The following DOT1L variants were observed in gnomAD, a reference collection of about 807,000 sequenced individuals.
DOT1L encodes histone-lysine N-methyltransferase, H3 lysine-79 specific.
DOT1L carries 33 observed loss-of-function variants against 153.3 expected under a neutral mutation model. The observed-to-expected ratio is 0.22, with a 90% CI of 0.16 to 0.29. The LOEUF (loss-of-function observed/expected upper bound fraction) is 0.29. Ranked by LOEUF, DOT1L falls within the 10% of genes least tolerant of loss-of-function variation. The pLI is 1.00. For synonymous variants in DOT1L, 1,135 were observed against 965.1 expected, an observed-to-expected ratio of 1.18 and a Z score of -3.26; for missense variants, 1,847 against 2,119.9, an observed-to-expected ratio of 0.87 and a Z score of 2.53.
chr19:2,218,640 G>C (rs549788116), intron 22 of DOT1L, among the ~76,000 whole-genome samples: 3 of 151,898 alleles, frequency 2.0e-5, no homozygotes, highest in African/African-American at 4.8e-5. Flanking sequence ...TGATCCGCCC[G>C]CCTGGGCCTC....
In DOT1L at chr19:2,204,993, C is replaced by T. The variant is rs1452401918; in HGVS notation, c.788-1736C>T. Among the ~76,000 whole-genome samples the T allele has an allele frequency of 4.1e-4, 62 of 150,986 alleles. 1 individual carries two copies. The highest frequency in any genetic ancestry group is 3.7e-3 in the Admixed American group (56 of 15,144). ...CTTTTAATTTTTTTTTTTTTGGAGA[C>T]GGAGTCTCACTCTGTCGCCCAGGCT... On this transcript the variant is annotated intron_variant, in intron 9 of 27. Coordinates refer to ENST00000398665, the MANE Select transcript of DOT1L (RefSeq NM_032482.3). This position sits in a 1 kb window ranked among gnomAD's most constrained non-coding sequence, Gnocchi z 5.7.
intron 1 of DOT1L, among the ~76,000 whole-genome samples, chr19:2,179,251 G>A (rs761888604): frequency 6.6e-6 from 1 of 152,180 alleles, no homozygotes; most frequent in African/African-American, 2.4e-5. Flanking sequence ...TGGCGGCTGC[G>A]TGTCTCACTG....
intron 9 of DOT1L, among the ~76,000 whole-genome samples, chr19:2,206,349 G>A (rs2023491516): frequency 6.6e-6 from 1 of 151,922 alleles, no homozygotes; most frequent in African/African-American, 2.4e-5. Flanking sequence ...CTTGAGGCCA[G>A]GAGTTCCAGA....
intron 27 of DOT1L, chr19:2,227,967 G>C (rs1394325321): frequency 1.8e-6 from 2 of 1,134,000 alleles, no homozygotes; most frequent in East Asian, 8.1e-5. Flanking sequence ...CCGGTCCCCC[G>C]CGGGGCCGCC....
rs564536756 is a variant in DOT1L, at chr19:2,191,423, C to T, written c.493+183C>T. 3.1e-6 allele frequency: 2 copies of T among 655,104 alleles called. No individual in the cohort carries two copies. Among genetic ancestry groups the T allele is most frequent in the East Asian group, 2.8e-5 (1 of 36,218 alleles). The allele number at this position is 655,104 out of a possible 1,614,324, so 40.6% of individuals were successfully genotyped here. A position where few individuals can be genotyped will look rare whatever the true frequency, so the allele number is the denominator to read the frequency against. ...TCCTTTCCCCAGCCCTGACCGGGCT[C>T]CACCCAGAGGGGAGAAATCGCAGGA... is the stretch of plus-strand genomic sequence containing the variant. On this transcript the variant is annotated intron_variant, in intron 5 of 27. Transcript: ENST00000398665. This position sits in a 1 kb window ranked among gnomAD's most constrained non-coding sequence, Gnocchi z 6.8.
rs1200611944 is a variant in DOT1L at position 2,170,128 on chromosome 19, T to C, written c.81+5863T>C. Among the ~76,000 whole-genome samples the C allele has an allele frequency of 2.0e-5, 3 of 152,224 alleles. No individual in the cohort carries two copies. The East Asian group carries it at 5.8e-4, about 29-fold the overall frequency. On this transcript the variant is annotated intron_variant, in intron 1 of 27. Transcript: ENST00000398665. The stretch of plus-strand genomic sequence containing the variant: ...CAGACTGGTCGACAGAGTGAGACTC[T>C]GTCTCAAACAAACAGACAAAATTAG...
chr19:2,184,794 G>T (rs964121732), intron 2 of DOT1L, among the ~76,000 whole-genome samples: 3 of 152,236 alleles, frequency 2.0e-5, no homozygotes, highest in Admixed American at 2.0e-4. Flanking sequence ...GTGAATTGCA[G>T]TGACTAATTT....
intron 17 of DOT1L, 55 bp downstream of exon 17, chr19:2,213,695 G>T: frequency 6.2e-7 from 1 of 1,606,340 alleles, no homozygotes; most frequent in Non-Finnish European, 8.5e-7. Flanking sequence ...AGGCTGGGGT[G>T]GTCCATGTCC....
chr19:2,214,215 C>A, intron 18 of DOT1L: 1 of 885,456 alleles, frequency 1.1e-6, no homozygotes, highest in African/African-American at 1.7e-5. Flanking sequence ...GAGCCACACT[C>A]TGGCAGGCTC....
At position 2,208,614 on chromosome 19, in the gene DOT1L, G is replaced by A. The variant is rs928709961; in HGVS notation, c.964-321G>A. 2.0e-5 allele frequency among the ~76,000 whole-genome samples: 3 copies of A among 152,166 alleles called. No individual in the cohort carries two copies. Among genetic ancestry groups the A allele is most frequent in the African/African-American group, 4.8e-5 (2 of 41,414 alleles). On this transcript the variant is annotated intron_variant, in intron 11 of 27. Transcript: ENST00000398665. The surrounding 1 kb of genome is among the most constrained non-coding windows in gnomAD (Gnocchi z 4.4). Reference sequence around the variant, plus strand: ...AGCCTCTCGCCTTCTCCTCTGAGGCGGGCGCGGTTCTTCTGTGCAGAAAGC... The same window carrying A: ...AGCCTCTCGCCTTCTCCTCTGAGGCAGGCGCGGTTCTTCTGTGCAGAAAGC...
At position 2,230,365 on chromosome 19, in the gene DOT1L, C is replaced by A; in HGVS notation, c.*573C>A. On this transcript the variant is annotated 3_prime_UTR_variant, in exon 28 of 28. Transcript: ENST00000398665. ...CCTTCCTGAGCGCCCTGGCGCCTGC[C>A]CTGAGCTCTTCACCTTTACCCCGGC... is the stretch of plus-strand genomic sequence containing the variant. The A allele has an allele frequency of 2.4e-6, 1 of 410,676 alleles. No homozygotes were observed. Among genetic ancestry groups the A allele is most frequent in the Non-Finnish European group, 4.3e-6 (1 of 233,926 alleles). The allele number at this position is 410,676 out of a possible 1,614,324, so 25.4% of individuals were successfully genotyped here.
chr19:2,211,655 G>A, intron 15 of DOT1L, 96 bp from the exon 16 acceptor site: 1 of 1,085,986 alleles, frequency 9.2e-7, no homozygotes, highest in South Asian at 1.5e-5. Flanking sequence ...CCTGACACCT[G>A]CCGAGGCCTG....
At chr19:2,179,741 A>G (rs1452176010) in intron 1 of DOT1L, among the ~76,000 whole-genome samples, 2 of 152,082 alleles carry the variant, frequency 1.3e-5, no homozygotes, top group Non-Finnish European at 2.9e-5. Flanking sequence ...TGGGAGGTGG[A>G]GGTTGCAGTG....
intron 19 of DOT1L, chr19:2,215,381 A>G (rs1316509913): frequency 2.0e-5 from 3 of 152,248 alleles, no homozygotes; most frequent in Non-Finnish European, 4.4e-5. Context: ...GCTCCCAGGC[A>G]GAGGCAGGTG....
chr19:2,187,108 T>C (rs1210321220), intron 3 of DOT1L, among the ~76,000 whole-genome samples: 1 of 152,208 alleles, frequency 6.6e-6, no homozygotes, highest in Non-Finnish European at 1.5e-5. Flanking sequence ...TTACCGCAGC[T>C]TGGGCTTTAC....
intron 1 of DOT1L, among the ~76,000 whole-genome samples, chr19:2,173,663 G>A (rs908260872): frequency 7.2e-5 from 11 of 152,208 alleles, no homozygotes; most frequent in Admixed American, 2.0e-4. Flanking sequence ...TCAGTACAGC[G>A]GGCACGGGTT....
At chr19:2,194,420 C>T (rs2022929256) in intron 6 of DOT1L, 95 bp from the exon 7 acceptor site, 4 of 1,420,540 alleles carry the variant, frequency 2.8e-6, no homozygotes. Context: ...ATCCGCCCTC[C>T]TCAGCCTCCC....
rs756038587 is a variant in DOT1L at position 2,222,351 on chromosome 19, C to G, written c.3182C>G (p.Ser1061Cys). ...GCGGGCAGTGCCAAGCAGTCGCCCTCCAGCAAGCACAGCCCCCTGACCGCC... is the reference window on the plus strand; with the variant it reads ...GCGGGCAGTGCCAAGCAGTCGCCCTGCAGCAAGCACAGCCCCCTGACCGCC... ...TGAGSAKQSP[S>C]SKHSPLTASA... Residue 1061 changes from serine to cysteine, a missense_variant, in exon 24 of 28, where the codon TCC (serine) becomes TGC (cysteine). By Grantham distance (112) the Ser-to-Cys change is moderately radical. Around this residue, in one of 8 missense-constraint regions of DOT1L, gnomAD observed 934 missense variants for 825.3 expected, o/e 1.13. Coordinates refer to ENST00000398665, the MANE Select transcript of DOT1L (RefSeq NM_032482.3). This position sits in a 1 kb window ranked among gnomAD's most constrained non-coding sequence, Gnocchi z 6.5. 3.1e-6 allele frequency: 5 copies of G among 1,612,466 alleles called. No individual in the cohort carries two copies. Among genetic ancestry groups the G allele is most frequent in the African/African-American group, 1.3e-5 (1 of 74,934 alleles).
At chr19:2,225,324 G>A in intron 25 of DOT1L, 64 bp from the exon 26 acceptor site, 2 of 1,514,192 alleles carry the variant, frequency 1.3e-6, no homozygotes, top group African/African-American at 1.4e-5. Flanking sequence ...TTGGCTGTCA[G>A]CATTTGTGTC....
Sources: gnomAD v4.1 joint callset for allele counts (sites outside exome capture counted in the v4.1 genomes callset) on GRCh38, gnomAD v4.1.1 for gene constraint, gnomAD v4.1.1 regional missense constraint, Gnocchi (gnomAD v3.1) non-coding constraint, MANE v1.5 for transcripts, NCBI Gene and HGNC (gene_info 2026-07-23, HGNC 2026-07-21) for gene names.